Variants in IGF2BP3 observed in about 807,000 individuals in gnomAD.
IGF2BP3 encodes the protein insulin like growth factor 2 mRNA binding protein 3.
A neutral mutation model predicts 73.8 loss-of-function variants in IGF2BP3; 9 were observed. The observed-to-expected ratio is 0.12, with a 90% CI of 0.07 to 0.21. The LOEUF (loss-of-function observed/expected upper bound fraction) is 0.21. Ranked by LOEUF, IGF2BP3 falls within the 10% of genes least tolerant of loss-of-function variation. The probability of loss-of-function intolerance (pLI) is 1.00; values close to 1 mark genes in which losing one functional copy is unlikely to be tolerated. For missense variants in IGF2BP3, 542 were observed against 714.0 expected (o/e 0.76, Z 2.75); for synonymous variants, 258 against 256.7 (o/e 1.01, Z -0.05).
intron 2 of IGF2BP3, among the ~76,000 whole-genome samples, chr7:23,429,752 A>T (rs1787619668): frequency 6.6e-6 from 1 of 152,212 alleles, no homozygotes; most frequent in Non-Finnish European, 1.5e-5. Context: ...ACAACTACTC[A>T]GTTGTCTCAA....
chr7:23,406,387 G>T (rs1034055989), intron 3 of IGF2BP3, among the ~76,000 whole-genome samples: 3 of 152,128 alleles, frequency 2.0e-5, no homozygotes, highest in African/African-American at 7.2e-5. Flanking sequence ...TGGGTTCTCG[G>T]TCTCGCTGAC....
intron 10 of IGF2BP3, among the ~76,000 whole-genome samples, chr7:23,336,765 TG>T (rs1784584257): frequency 6.6e-6 from 1 of 152,096 alleles, no homozygotes; most frequent in Admixed American, 6.5e-5. Context: ...CTGGCAAACA[TG>T]GTAAAACCCT....
chr7:23,409,155 G>A (rs1268993439), intron 3 of IGF2BP3, among the ~76,000 whole-genome samples: 5 of 152,146 alleles, frequency 3.3e-5, no homozygotes, highest in African/African-American at 7.2e-5. Flanking sequence ...AGTAATGCTC[G>A]CTCACTTGCC....
intron 2 of IGF2BP3, among the ~76,000 whole-genome samples, chr7:23,462,100 C>CT (rs1788462246): frequency 6.6e-6 from 1 of 152,196 alleles, no homozygotes; most frequent in African/African-American, 2.4e-5. Flanking sequence ...TTCCCTGGTC[C>CT]TTTTAGCCCA....
chr7:23,469,926 C>G lies in IGF2BP3; in HGVS notation c.175+10G>C. On this transcript the variant is annotated intron_variant, in intron 1 of 14. Coordinates refer to ENST00000258729, the MANE Select transcript of IGF2BP3 (RefSeq NM_006547.3). This position sits in a 1 kb window ranked among gnomAD's most constrained non-coding sequence, Gnocchi z 6.1. ...GGCGAGAGCCCGGGTGGGGCCAGGC[C>G]CGGGCCCACCTGAAAGCGCCTCGAT... The G allele has an allele frequency of 6.2e-7, 1 of 1,604,528 alleles. No individual in the cohort carries two copies. The highest frequency in any genetic ancestry group is 8.5e-7 in the Non-Finnish European group (1 of 1,176,654).
At chr7:23,355,127 A>C (rs912587771) in intron 5 of IGF2BP3, among the ~76,000 whole-genome samples, 1 of 152,330 alleles carries the variant, frequency 6.6e-6, no homozygotes, top group Middle Eastern at 3.4e-3. Context: ...AACGACTGTC[A>C]TAATTATTTG....
At chr7:23,389,057 T>C (rs992366835) in intron 3 of IGF2BP3, among the ~76,000 whole-genome samples, 1 of 152,210 alleles carries the variant, frequency 6.6e-6, no homozygotes. Flanking sequence ...TTTAAAGATG[T>C]GTTTATGTCC....
Position 23,361,716 on chromosome 7 carries a change from T to C in IGF2BP3, c.311A>G (p.Tyr104Cys), listed in dbSNP as rs775544360. Residue 104 changes from tyrosine to cysteine, a missense_variant, in exon 4 of 15, where the codon TAT (tyrosine) becomes TGT (cysteine). Tyr to Cys is a radical substitution (Grantham distance 194). Around this residue, in one of 2 missense-constraint regions of IGF2BP3, gnomAD observed 239 missense variants for 241.9 expected, o/e 0.99. Transcript: ENST00000258729. ...WEVLDSLLVQ[Y>C]GVVESCEQVN... ...TTGCTCACAGCTCTCCACCACTCCA[T>C]ACTGGACTAGTAAACTATCCAGCAC... 6.2e-6 allele frequency: 10 copies of C among 1,613,850 alleles called. No homozygotes were observed. The highest frequency in any genetic ancestry group is 1.6e-4 in the Middle Eastern group (1 of 6,078).
chr7:23,396,927 CT>C (rs1157657570), intron 3 of IGF2BP3, among the ~76,000 whole-genome samples: 2 of 151,918 alleles, frequency 1.3e-5, no homozygotes, highest in African/African-American at 2.4e-5. Context: ...CCTGAAAGGA[CT>C]TTTTTTTGTT....
At chr7:23,364,854 T>C (rs1785328981) in intron 3 of IGF2BP3, among the ~76,000 whole-genome samples, 1 of 151,078 alleles carries the variant, frequency 6.6e-6, no homozygotes, top group Admixed American at 6.6e-5. Flanking sequence ...TAGTTGACAG[T>C]TTAATATGTT....
At position 23,397,614 on chromosome 7, in the gene IGF2BP3, A is replaced by G. The variant is rs59561289; in HGVS notation, c.285+21162T>C. ...TGTCATCTCATAATAGGAATGCTGC[A>G]TCCCCTACATGAAATGACAAAATGT... On this transcript the variant is annotated intron_variant, in intron 3 of 14. Transcript: ENST00000258729. 4.3e-3 allele frequency among the ~76,000 whole-genome samples: 649 copies of G among 152,326 alleles called. 3 individuals carry two copies. Among genetic ancestry groups the G allele is most frequent in the African/African-American group, 0.015 (604 of 41,564 alleles).
chr7:23,424,132 T>C (rs1212246016), intron 2 of IGF2BP3, among the ~76,000 whole-genome samples: 2 of 150,310 alleles, frequency 1.3e-5, no homozygotes. Context: ...AAAAAAATTT[T>C]TTTTTCAACA....
intron 3 of IGF2BP3, among the ~76,000 whole-genome samples, chr7:23,364,244 C>T (rs567134127): frequency 2.2e-3 from 331 of 151,848 alleles, no homozygotes; most frequent in African/African-American, 7.7e-3. Flanking sequence ...CACGGTGGTG[C>T]GCGCTTGTAG....
intron 9 of IGF2BP3, among the ~76,000 whole-genome samples, chr7:23,343,361 G>A (rs62468198): frequency 0.05 from 7,564 of 152,192 alleles, 254 homozygotes; most frequent in Non-Finnish European, 0.072. Context: ...GCTCATAAAT[G>A]GTTCAGCTGT....
At chr7:23,399,849 G>A (rs1583993274) in intron 3 of IGF2BP3, among the ~76,000 whole-genome samples, 1 of 152,080 alleles carries the variant, frequency 6.6e-6, no homozygotes, top group Admixed American at 6.5e-5. Context: ...CTCAATGTGT[G>A]TATGTTTGAA....
At chr7:23,368,285 T>C (rs953353128) in intron 3 of IGF2BP3, among the ~76,000 whole-genome samples, 5 of 146,674 alleles carry the variant, frequency 3.4e-5, no homozygotes, top group African/African-American at 1.0e-4. Context: ...GGTTACCTTG[T>C]TAGTATAGCG....
chr7:23,438,956 T>C (rs1310519245), intron 2 of IGF2BP3, among the ~76,000 whole-genome samples: 2 of 152,284 alleles, frequency 1.3e-5, no homozygotes. Flanking sequence ...AAAAGTTACA[T>C]GTTTATAGGC....
intron 11 of IGF2BP3, among the ~76,000 whole-genome samples, chr7:23,318,852 G>A (rs1784060443): frequency 6.6e-6 from 1 of 152,166 alleles, no homozygotes; most frequent in Non-Finnish European, 1.5e-5. Flanking sequence ...GAACCAAGAG[G>A]GACCAAGGCC....
intron 10 of IGF2BP3, among the ~76,000 whole-genome samples, chr7:23,331,439 T>A (rs1784441095): frequency 6.6e-6 from 1 of 152,192 alleles, no homozygotes; most frequent in South Asian, 2.1e-4. Flanking sequence ...GATAAAGGAA[T>A]TGAAACTTTT....
Sources: allele counts gnomAD v4.1 joint callset (sites outside exome capture counted in the v4.1 genomes callset), GRCh38; gene constraint gnomAD v4.1.1; regional missense constraint gnomAD v4.1.1; non-coding constraint Gnocchi (gnomAD v3.1); transcripts MANE v1.5; gene names NCBI Gene and HGNC (gene_info 2026-07-23, HGNC 2026-07-21).